The following PRKCE variants were observed in gnomAD, a reference collection of about 807,000 sequenced individuals.
The protein encoded by PRKCE is protein kinase C epsilon type.
PRKCE carries 16 observed loss-of-function variants against 85.4 expected under a neutral mutation model. The observed-to-expected ratio is 0.19, with a 90% CI of 0.13 to 0.28. The LOEUF is 0.28. Among genes scored for constraint, PRKCE ranks in the 10% least tolerant of loss-of-function variants. The probability of loss-of-function intolerance (pLI) is 1.00; values close to 1 mark genes in which losing one functional copy is unlikely to be tolerated. For synonymous variants in PRKCE, 388 were observed against 371.5 expected (o/e 1.04, Z -0.51); for missense variants, 573 against 975.2 (o/e 0.59, Z 5.49).
chr2:45,679,279 C>T (rs1676708163), intron 1 of PRKCE, among the ~76,000 whole-genome samples: 1 of 152,140 alleles, frequency 6.6e-6, no homozygotes, highest in Non-Finnish European at 1.5e-5. Context: ...AAAGAATACA[C>T]AGTATTGGAA....
At chr2:45,794,845 A>AACC (rs1687296127) in intron 1 of PRKCE, among the ~76,000 whole-genome samples, 2 of 122,640 alleles carry the variant, frequency 1.6e-5, no homozygotes, top group Non-Finnish European at 3.5e-5. Context: ...TTATTGCCCT[A>AACC]CCCCCCCCCC....
chr2:45,738,920 G>A lies in PRKCE; in HGVS notation c.348+86472G>A, dbSNP rs533392938. Among the ~76,000 whole-genome samples the A allele has an allele frequency of 3.3e-5, 5 of 152,326 alleles. No homozygotes were observed. In the South Asian group the frequency reaches 1.0e-3, roughly 32 times the overall value. ...TCACCACACTTCAAAGTAATAGGTA[G>A]TTCATGCATTATTTTTATTAAGCAA... On this transcript the variant is annotated intron_variant, in intron 1 of 14. Coordinates refer to ENST00000306156, the MANE Select transcript of PRKCE (RefSeq NM_005400.3).
intron 11 of PRKCE, among the ~76,000 whole-genome samples, chr2:46,115,271 A>G (rs1672658538): frequency 6.6e-6 from 1 of 152,262 alleles, no homozygotes; most frequent in Admixed American, 6.5e-5. Flanking sequence ...TCCATAGGAC[A>G]GACATTCTCA....
chr2:45,955,381 G>C (rs919008321), intron 2 of PRKCE, among the ~76,000 whole-genome samples: 6 of 152,150 alleles, frequency 3.9e-5, no homozygotes, highest in Non-Finnish European at 8.8e-5. Flanking sequence ...TAAAAACATG[G>C]GAGGAAGAAT....
At chr2:45,793,566 A>G (rs1687192387) in intron 1 of PRKCE, among the ~76,000 whole-genome samples, 1 of 152,188 alleles carries the variant, frequency 6.6e-6, no homozygotes, top group Non-Finnish European at 1.5e-5. Flanking sequence ...AAGCAACTCC[A>G]GACGGTGGCC....
At chr2:45,915,550 G>T (rs1431911509) in intron 2 of PRKCE, among the ~76,000 whole-genome samples, 1 of 152,178 alleles carries the variant, frequency 6.6e-6, no homozygotes, top group Non-Finnish European at 1.5e-5. Context: ...GGAGCAAGTT[G>T]TTTCTACCTG....
chr2:45,847,558 A>G lies in PRKCE; in HGVS notation c.412+4495A>G, dbSNP rs569434502. On this transcript the variant is annotated intron_variant, in intron 2 of 14. Transcript: ENST00000306156. Reference sequence around the variant, plus strand: ...GAGCTCTTAGCTTTACCAAGTGCCCAGCAGTATTACCTCCATGTGGGAGAT... The same window carrying G: ...GAGCTCTTAGCTTTACCAAGTGCCCGGCAGTATTACCTCCATGTGGGAGAT... Among the ~76,000 whole-genome samples the G allele has an allele frequency of 9.9e-5, 15 of 151,518 alleles. No homozygotes were observed. In the South Asian group the frequency reaches 2.7e-3, roughly 27 times the overall value.
At chr2:45,938,476 C>T (rs1221722167) in intron 2 of PRKCE, among the ~76,000 whole-genome samples, 1 of 152,156 alleles carries the variant, frequency 6.6e-6, no homozygotes, top group African/African-American at 2.4e-5. Context: ...CTATAGATAT[C>T]CCTGCATTTT....
chr2:46,079,902 A>G (rs929612197), intron 10 of PRKCE, among the ~76,000 whole-genome samples: 2 of 152,214 alleles, frequency 1.3e-5, no homozygotes, highest in African/African-American at 4.8e-5. Flanking sequence ...GTAGGTCATT[A>G]TGAACTATTC....
chr2:45,737,561 T>G (rs181541444), intron 1 of PRKCE, among the ~76,000 whole-genome samples: 2 of 152,154 alleles, frequency 1.3e-5, no homozygotes, highest in East Asian at 3.9e-4. Flanking sequence ...CGGCTCCTTT[T>G]CTGCCTCTTT....
chr2:45,824,076 T>G (rs531116345), intron 1 of PRKCE, among the ~76,000 whole-genome samples: 65 of 152,342 alleles, frequency 4.3e-4, no homozygotes, highest in East Asian at 7.7e-4. Flanking sequence ...CTGACTGCAC[T>G]CCCAGCTTTC....
intron 1 of PRKCE, among the ~76,000 whole-genome samples, chr2:45,713,302 A>G (rs1679821082): frequency 6.6e-6 from 1 of 152,114 alleles, no homozygotes; most frequent in Non-Finnish European, 1.5e-5. Flanking sequence ...GCCACAGGAG[A>G]GCATATGCCT....
chr2:46,149,903 T>A (rs1338910035), intron 12 of PRKCE, among the ~76,000 whole-genome samples: 1 of 150,902 alleles, frequency 6.6e-6, no homozygotes, highest in Admixed American at 6.6e-5. Flanking sequence ...GTTACCCAGG[T>A]TGAAGTGCAG....
At chr2:45,949,297 A>G (rs1379531171) in intron 2 of PRKCE, among the ~76,000 whole-genome samples, 5 of 152,090 alleles carry the variant, frequency 3.3e-5, no homozygotes, top group African/African-American at 7.2e-5. Context: ...TTGTCAACTA[A>G]TAAATACGAT....
At chr2:46,056,850 C>G (rs139412658) in intron 10 of PRKCE, among the ~76,000 whole-genome samples, 9 of 152,262 alleles carry the variant, frequency 5.9e-5, no homozygotes, top group African/African-American at 2.2e-4. Context: ...GTATATAAAA[C>G]AGATGAAAGC....
At chr2:45,775,288 G>A (rs182034070) in intron 1 of PRKCE, among the ~76,000 whole-genome samples, 118 of 152,256 alleles carry the variant, frequency 7.8e-4, no homozygotes, top group African/African-American at 2.6e-3. Context: ...TTCCTGCTCC[G>A]TGAGTGTGCC....
rs1676275321 is a variant in PRKCE at position 46,148,232 on chromosome 2, C to CCCGAGCTCTGACGCACTTGAGGGGTTGG, written c.1732-2807_1732-2780dup. Among the ~76,000 whole-genome samples, 4 of 152,260 alleles carry CCCGAGCTCTGACGCACTTGAGGGGTTGG rather than the reference C, an allele frequency of 2.6e-5. No homozygotes were observed. The South Asian group carries it at 8.3e-4, about 31-fold the overall frequency. On this transcript the variant is annotated intron_variant, in intron 12 of 14. Coordinates refer to ENST00000306156, the MANE Select transcript of PRKCE (RefSeq NM_005400.3). ...CAATGCCTTCTCCCTTCTCCCTTCT[C>CCCGAGCTCTGACGCACTTGAGGGGTTGG]CCGAGCTCTGACGCACTTGAGGGGT... is the stretch of plus-strand genomic sequence containing the variant.
At chr2:45,845,336 C>T (rs962203828) in intron 2 of PRKCE, 6 of 151,152 alleles carry the variant, frequency 4.0e-5, no homozygotes, top group African/African-American at 1.2e-4. Context: ...AGCAAGTTGT[C>T]ACAACCACCC....
At chr2:45,766,553 C>T (rs140634495) in intron 1 of PRKCE, among the ~76,000 whole-genome samples, 1 of 152,280 alleles carries the variant, frequency 6.6e-6, no homozygotes, top group East Asian at 1.9e-4. Context: ...ATAAACAAAT[C>T]ACAGTAAGAC....
Sources: gnomAD v4.1 joint callset for allele counts (sites outside exome capture counted in the v4.1 genomes callset) on GRCh38, gnomAD v4.1.1 for gene constraint, MANE v1.5 for transcripts, NCBI Gene and HGNC (gene_info 2026-07-23, HGNC 2026-07-21) for gene names.